Variants in ASAP3 observed in about 807,000 individuals in gnomAD.
The protein encoded by ASAP3 is arf-GAP with SH3 domain, ANK repeat and PH domain-containing protein 3.
ASAP3 carries 85 observed loss-of-function variants against 118.2 expected under a neutral mutation model. That is an observed-to-expected ratio of 0.72 (90% CI 0.60 to 0.86). The LOEUF is 0.86. ASAP3 is among the 40% of genes least tolerant of loss of function. The probability of loss-of-function intolerance (pLI) is 0.00; values close to 1 mark genes in which losing one functional copy is unlikely to be tolerated. For synonymous variants in ASAP3, 432 were observed against 477.4 expected, an observed-to-expected ratio of 0.90 and a Z score of 1.24; for missense variants, 1,026 against 1,175.0, an observed-to-expected ratio of 0.87 and a Z score of 1.85.
intron 1 of ASAP3, among the ~76,000 whole-genome samples, chr1:23,460,045 G>A (rs1042369385): frequency 1.3e-5 from 2 of 152,168 alleles, no homozygotes; most frequent in Non-Finnish European, 2.9e-5. Context: ...ACAAAGAAGG[G>A]AGATAACCCC....
At chr1:23,469,466 T>G (rs968241022) in intron 1 of ASAP3, among the ~76,000 whole-genome samples, 1 of 152,058 alleles carries the variant, frequency 6.6e-6, no homozygotes, top group African/African-American at 2.4e-5. Flanking sequence ...ATTCTCAACA[T>G]AGAAAGTTTA....
rs754606408 is a variant in ASAP3, at chr1:23,437,187, T to C, written c.1285A>G (p.Ile429Val). The change falls in exon 14 of 25, where the codon ATC (isoleucine) becomes GTC (valine). Residue 429 changes from isoleucine (I) to valine (V), a missense_variant. Coordinates refer to ENST00000336689, the MANE Select transcript of ASAP3 (RefSeq NM_017707.4). The surrounding 1 kb of genome is among the most constrained non-coding windows in gnomAD (Gnocchi z 6.1). ...CCAGGCCTGCTCTTCACCTCCGCGA[T>C]GAGCAGCTTTGTGAGGTCGTGCGGC... is the stretch of plus-strand genomic sequence containing the variant. ...GEPHDLTKLL[I>V]AEVKSRPGNS... The C allele has an allele frequency of 6.2e-7, 1 of 1,607,216 alleles. No individual in the cohort carries two copies. The highest frequency in any genetic ancestry group is 2.2e-5 in the East Asian group (1 of 44,618).
intron 10 of ASAP3, 33 bp downstream of exon 10, chr1:23,441,069 T>C (rs760513648): frequency 1.5e-5 from 24 of 1,599,458 alleles, no homozygotes; most frequent in East Asian, 4.5e-5. Context: ...CAGTGTGACA[T>C]TGGGCAAATT....
At position 23,433,166 on chromosome 1, in the gene ASAP3, T is replaced by G; in HGVS notation, c.2234A>C (p.Gln745Pro). The change falls in exon 22 of 25, where the codon CAG becomes CCG. Residue 745 changes from glutamine to proline, a missense_variant. Gln to Pro is a moderately conservative substitution (Grantham distance 76, BLOSUM62 -1). Transcript: ENST00000336689. ...TVASLGAATP[Q>P]GESEDCPPPL... ...CGGGGGACAGTCCTCACTCTCGCCC[T>G]GAGGGGTGGCTGCTCCCAGGCTGGC... 1.2e-6 allele frequency: 2 copies of G among 1,614,128 alleles called. No individual in the cohort carries two copies. Among genetic ancestry groups the G allele is most frequent in the Non-Finnish European group, 1.7e-6 (2 of 1,180,008 alleles).
intron 10 of ASAP3, 83 bp from the exon 11 acceptor site, chr1:23,439,313 C>T (rs959119542): frequency 2.4e-6 from 3 of 1,270,824 alleles, no homozygotes; most frequent in Middle Eastern, 1.8e-4. Flanking sequence ...TTTGCCCCCA[C>T]CTGTATGATC....
chr1:23,441,028 GGGCAGCTT>G, intron 10 of ASAP3, 66 bp downstream of exon 10: 1 of 1,367,322 alleles, frequency 7.3e-7, no homozygotes, highest in Non-Finnish European at 1.0e-6. Context: ...CAGTTCCTTT[GGGCAGCTT>G]CCCCAACCCT....
chr1:23,470,755 C>T (rs1444711232), intron 1 of ASAP3, among the ~76,000 whole-genome samples: 1 of 152,252 alleles, frequency 6.6e-6, no homozygotes, highest in Non-Finnish European at 1.5e-5. Flanking sequence ...CTTGTCCAGC[C>T]TCACCAGCTC....
intron 1 of ASAP3, among the ~76,000 whole-genome samples, chr1:23,475,689 G>T (rs1245204014): frequency 6.6e-6 from 1 of 152,178 alleles, no homozygotes; most frequent in African/African-American, 2.4e-5. Flanking sequence ...AGAATTCTTG[G>T]CCAGGCACAA....
intron 5 of ASAP3, among the ~76,000 whole-genome samples, chr1:23,447,042 C>T (rs1243397491): frequency 6.6e-6 from 1 of 152,164 alleles, no homozygotes; most frequent in African/African-American, 2.4e-5. Flanking sequence ...AGGGTTCGTG[C>T]TTCTATGAAA....
At chr1:23,451,869 C>T (rs2077066) in intron 4 of ASAP3, among the ~76,000 whole-genome samples, 81,137 of 152,028 alleles carry the variant, frequency 0.53, 25,291 homozygotes, top group Non-Finnish European at 0.68. Flanking sequence ...TCAGTCATGA[C>T]CATGAGGATG....
At chr1:23,477,986 T>A (rs759549569) in intron 1 of ASAP3, among the ~76,000 whole-genome samples, 13 of 152,192 alleles carry the variant, frequency 8.5e-5, no homozygotes, top group Non-Finnish European at 1.6e-4. Context: ...CAGTGCCTCA[T>A]ACAGGGCCTG....
chr1:23,477,574 A>G (rs980225394), intron 1 of ASAP3, among the ~76,000 whole-genome samples: 3 of 151,978 alleles, frequency 2.0e-5, no homozygotes, highest in Admixed American at 6.6e-5. Context: ...GATGGGAGGT[A>G]ACTAAGGCCA....
intron 1 of ASAP3, among the ~76,000 whole-genome samples, chr1:23,476,548 C>T (rs1392113901): frequency 1.3e-5 from 2 of 152,188 alleles, no homozygotes; most frequent in African/African-American, 2.4e-5. Context: ...TGGGTCCTCT[C>T]CTGGCCCTTC....
At chr1:23,471,004 C>A (rs1641944973) in intron 1 of ASAP3, among the ~76,000 whole-genome samples, 1 of 152,230 alleles carries the variant, frequency 6.6e-6, no homozygotes, top group Admixed American at 6.5e-5. Flanking sequence ...TCCACCCAAT[C>A]CTGGGGAAGA....
chr1:23,469,664 C>T (rs976589658), intron 1 of ASAP3, among the ~76,000 whole-genome samples: 3 of 152,194 alleles, frequency 2.0e-5, no homozygotes, highest in Non-Finnish European at 2.9e-5. Flanking sequence ...CTACCTATCG[C>T]CCCACTAACT....
chr1:23,442,866 T>C (rs946269), intron 5 of ASAP3, among the ~76,000 whole-genome samples: 114,115 of 151,948 alleles, frequency 0.75, 44,839 homozygotes, highest in Middle Eastern at 0.89. Context: ...TGGGGCTAGT[T>C]GGGAAGTGAT....
At chr1:23,483,116 G>T (rs560067045) in intron 1 of ASAP3, among the ~76,000 whole-genome samples, 2 of 152,326 alleles carry the variant, frequency 1.3e-5, no homozygotes, top group African/African-American at 2.4e-5. Context: ...AGGGTGTTAT[G>T]AACTACTGAG....
rs779626832 is a variant in ASAP3 at position 23,436,962 on chromosome 1, A to G, written c.1425T>C (p.Phe475=). The change falls in exon 15 of 25, where the codon TTT becomes TTC. Residue 475 remains phenylalanine (F), a synonymous_variant. Coordinates refer to ENST00000336689, the MANE Select transcript of ASAP3 (RefSeq NM_017707.4). This position sits in a 1 kb window ranked among gnomAD's most constrained non-coding sequence, Gnocchi z 4.2. ...CCAAGGTGAGTGACTGCATGCGCGA[A>G]AAGCGCACGCCCAGTTCGCGGTGGA... ...SGVHRELGVR[F]SRMQSLTLDL... 1.5e-5 allele frequency: 24 copies of G among 1,612,506 alleles called. No homozygotes were observed. Among genetic ancestry groups the G allele is most frequent in the Non-Finnish European group, 2.0e-5 (24 of 1,179,800 alleles).
At position 23,437,564 on chromosome 1, in the gene ASAP3, TGGAG is replaced by T; in HGVS notation, c.1103-96_1103-93del. 1 of 1,487,858 alleles carries T rather than the reference TGGAG, an allele frequency of 6.7e-7. No homozygotes were observed. Among genetic ancestry groups the T allele is most frequent in the Non-Finnish European group, 9.2e-7 (1 of 1,081,830 alleles). 92.2% of individuals were successfully genotyped at this position (1,487,858 alleles called of 1,614,324 possible). On this transcript the variant is annotated intron_variant, in intron 12 of 24. Coordinates refer to ENST00000336689, the MANE Select transcript of ASAP3 (RefSeq NM_017707.4). The surrounding 1 kb of genome is among the most constrained non-coding windows in gnomAD (Gnocchi z 6.1). ...CCCCACCAAAGCCGCTGGGGCCACA[TGGAG>T]ATGTGTCCCTGACAAGTCGGACTCT... is the stretch of plus-strand genomic sequence containing the variant.
Sources: allele counts gnomAD v4.1 joint callset (sites outside exome capture counted in the v4.1 genomes callset), GRCh38; gene constraint gnomAD v4.1.1; non-coding constraint Gnocchi (gnomAD v3.1); transcripts MANE v1.5; gene names NCBI Gene and HGNC (gene_info 2026-07-23, HGNC 2026-07-21).